POLI: variants seen among roughly 807,000 people sequenced by gnomAD.
POLI encodes the protein RAD30 homolog B.
POLI carries 58 observed loss-of-function variants against 51.6 expected under a neutral mutation model. The observed-to-expected ratio is 1.12, with a 90% CI of 0.91 to 1.40. The LOEUF (loss-of-function observed/expected upper bound fraction) is 1.40. Ranked by LOEUF, POLI falls within the 40% of genes most tolerant of loss-of-function variation. The probability of loss-of-function intolerance (pLI) is 0.00; values close to 1 mark genes in which losing one functional copy is unlikely to be tolerated. For missense variants in POLI, 921 were observed against 871.3 expected, an observed-to-expected ratio of 1.06 and a Z score of -0.72; for synonymous variants, 322 against 299.7, an observed-to-expected ratio of 1.07 and a Z score of -0.77.
chr18:54,310,083 G>T (rs1459090425), intron 3 of POLI, among the ~76,000 whole-genome samples: 1 of 152,124 alleles, frequency 6.6e-6, no homozygotes, highest in Non-Finnish European at 1.5e-5. Context: ...CTTGGCATCC[G>T]TGGGCTGCAC....
chr18:54,284,016 GATTTTC>G lies in POLI; in HGVS notation c.1067+5_1067+10del. 1 of 1,274,478 alleles carries G rather than the reference GATTTTC, an allele frequency of 7.8e-7. No individual in the cohort carries two copies. Among genetic ancestry groups the G allele is most frequent in the Non-Finnish European group, 1.1e-6 (1 of 893,968 alleles). The allele number at this position is 1,274,478 out of a possible 1,614,324, so 78.9% of individuals were successfully genotyped here. A position where few individuals can be genotyped will look rare whatever the true frequency, so the allele number is the denominator to read the frequency against. Reference sequence around the variant, plus strand: ...CTACTTGCTAGTCTTTTAAACAGGTGATTTTCAATCCATTTTGCCAAGTCATCCTAT... The same window carrying G: ...CTACTTGCTAGTCTTTTAAACAGGTGAATCCATTTTGCCAAGTCATCCTAT... On this transcript the variant is annotated splice_donor_5th_base_variant and intron_variant, in intron 7 of 9. Transcript: ENST00000579534.
chr18:54,283,061 T>G, intron 6 of POLI, 46 bp downstream of exon 6: 1 of 1,240,240 alleles, frequency 8.1e-7, no homozygotes, highest in Non-Finnish European at 1.1e-6. Context: ...TATCACATTA[T>G]TTGAGATAAA....
chr18:54,279,165 C>T (rs972656924), intron 4 of POLI, among the ~76,000 whole-genome samples: 1 of 151,342 alleles, frequency 6.6e-6, no homozygotes, highest in Non-Finnish European at 1.5e-5. Context: ...CTCTTTCATA[C>T]AGATTTTATT....
intron 3 of POLI, among the ~76,000 whole-genome samples, chr18:54,307,098 G>A (rs2088598983): frequency 6.6e-6 from 1 of 152,048 alleles, no homozygotes; most frequent in South Asian, 2.1e-4. Flanking sequence ...CTTCAGTTCT[G>A]CTCTCATCTT....
At chr18:54,269,732 G>C (rs2086915684) in intron 1 of POLI, 71 bp downstream of exon 1, 2 of 1,406,106 alleles carry the variant, frequency 1.4e-6, no homozygotes, top group Non-Finnish European at 1.8e-6. Context: ...GCGGACGCTC[G>C]GGGCGGCGGC....
chr18:54,290,239 T>C (rs187228506), intron 8 of POLI, among the ~76,000 whole-genome samples: 34 of 152,306 alleles, frequency 2.2e-4, no homozygotes, highest in Admixed American at 1.6e-3. Context: ...TGCTCATCAT[T>C]GCTGGTCATT....
chr18:54,270,487 A>G (rs921027920), intron 1 of POLI: 2 of 152,256 alleles, frequency 1.3e-5, no homozygotes, highest in African/African-American at 2.4e-5. Context: ...CTTTAGGTTT[A>G]CCTGAAAGTT....
At chr18:54,300,137 G>C (rs936779084), downstream of POLI, among the ~76,000 whole-genome samples, 3 of 152,218 alleles carry the variant, frequency 2.0e-5, no homozygotes, top group South Asian at 4.1e-4. Context: ...TCTACACACA[G>C]AAATGAGGAG....
chr18:54,293,789 TA>T lies in POLI; in HGVS notation c.1547del (p.Asn516MetfsTer22). ...CAAATTTTTCTAAAGAAAAAGACAT[TA>T]ATGAATTCCCACTCTGTTCACTTCC... ...TTNFSKEKDINEFPLCSLPEG... is the reference protein window; with the variant it reads ...TTNFSKEKDIXEFPLCSLPEG... On this transcript the variant is annotated frameshift_variant, in exon 10 of 10. Coordinates refer to ENST00000579534, the MANE Select transcript of POLI (RefSeq NM_007195.3). LOFTEE classifies it low-confidence loss of function (END_TRUNC). The T allele has an allele frequency of 6.2e-7, 1 of 1,606,444 alleles. No homozygotes were observed. Among genetic ancestry groups the T allele is most frequent in the South Asian group, 1.1e-5 (1 of 89,994 alleles).
At chr18:54,280,619 G>T in intron 4 of POLI, 48 bp from the exon 5 acceptor site, 1 of 1,290,852 alleles carries the variant, frequency 7.7e-7, no homozygotes, top group Admixed American at 1.8e-5. Flanking sequence ...TTGTGAAAAA[G>T]AAAAAGGTTT....
intron 2 of POLI, chr18:54,272,064 A>T (rs988474606): frequency 1.3e-5 from 2 of 152,206 alleles, no homozygotes; most frequent in Non-Finnish European, 2.9e-5. Flanking sequence ...TAAATTGAGA[A>T]AGATAAAGAG....
chr18:54,272,532 T>C (rs1428154115), intron 2 of POLI, among the ~76,000 whole-genome samples: 1 of 152,074 alleles, frequency 6.6e-6, no homozygotes, highest in Non-Finnish European at 1.5e-5. Context: ...AGTGCAGTGG[T>C]GCGATCTTGG....
Position 54,277,759 on chromosome 18 carries a change from G to A in POLI, c.463G>A (p.Val155Met), listed in dbSNP as rs1373913311. 9 of 1,610,308 alleles carry A rather than the reference G, an allele frequency of 5.6e-6. No homozygotes were observed. The East Asian group carries it at 2.0e-4, about 36-fold the overall frequency. ...VERLGFDENF[V>M]DLTEMVEKRL... The stretch of plus-strand genomic sequence containing the variant: ...GAGACTTGGATTTGATGAAAATTTT[G>A]TGGATCTAACAGAAATGGTTGAGAA... Residue 155 changes from valine to methionine, a missense_variant, in exon 4 of 10, where the codon GTG becomes ATG. Coordinates refer to ENST00000579534, the MANE Select transcript of POLI (RefSeq NM_007195.3).
downstream of POLI, among the ~76,000 whole-genome samples, chr18:54,299,128 A>T (rs2088445776): frequency 6.6e-6 from 1 of 152,120 alleles, no homozygotes; most frequent in Admixed American, 6.6e-5. Context: ...AAGTAGTGTA[A>T]CACAAAGCCT....
chr18:54,288,472 T>C (rs1344873945), intron 8 of POLI, among the ~76,000 whole-genome samples: 1 of 152,184 alleles, frequency 6.6e-6, no homozygotes, highest in East Asian at 1.9e-4. Flanking sequence ...TGTTGAAGAC[T>C]ATTCTCCACC....
At position 54,294,724 on chromosome 18, in the gene POLI, A is replaced by G. The variant is rs906620133; in HGVS notation, c.*257A>G. On this transcript the variant is annotated 3_prime_UTR_variant, in exon 10 of 10. Coordinates refer to ENST00000579534, the MANE Select transcript of POLI (RefSeq NM_007195.3). ...TTCAATAAAAAGAATATCATGGTCA[A>G]CATAGAATATTTTTCATGAATTGGT... is the stretch of plus-strand genomic sequence containing the variant. 37 of 1,058,042 alleles carry G rather than the reference A, an allele frequency of 3.5e-5. No individual in the cohort carries two copies. The highest frequency in any genetic ancestry group is 4.2e-5 in the Non-Finnish European group (37 of 870,802). 65.5% of individuals were successfully genotyped at this position (1,058,042 alleles called of 1,614,324 possible).
intron 7 of POLI, 138 bp from the exon 8 acceptor site, chr18:54,287,143 C>T (rs2087783297): frequency 5.6e-6 from 3 of 539,468 alleles, no homozygotes; most frequent in East Asian, 6.4e-5. Flanking sequence ...ACCTTTATTG[C>T]TTACTATTTT....
At chr18:54,286,848 G>A (rs1184736492) in intron 7 of POLI, among the ~76,000 whole-genome samples, 1 of 152,074 alleles carries the variant, frequency 6.6e-6, no homozygotes, top group Non-Finnish European at 1.5e-5. Context: ...GGAGGCTGAG[G>A]CAGGAGAATT....
rs2088270535 is a variant in POLI, at chr18:54,295,360, T to C, written c.*893T>C. On this transcript the variant is annotated 3_prime_UTR_variant, in exon 10 of 10. Transcript: ENST00000579534. ...CATTACTAAATTGGTGGATGTCCTC[T>C]TTCTCCCATTGTTATTGCCTTCCTC... 2 of 984,542 alleles carry C rather than the reference T, an allele frequency of 2.0e-6. No individual in the cohort carries two copies. Among genetic ancestry groups the C allele is most frequent in the Non-Finnish European group, 2.4e-6 (2 of 829,230 alleles). The allele number at this position is 984,542 out of a possible 1,614,324, so 61.0% of individuals were successfully genotyped here.
Sources: gnomAD v4.1 joint callset for allele counts (sites outside exome capture counted in the v4.1 genomes callset) on GRCh38, gnomAD v4.1.1 for gene constraint, MANE v1.5 for transcripts, NCBI Gene and HGNC (gene_info 2026-07-23, HGNC 2026-07-21) for gene names.